Variants in ADGRL3 observed in about 807,000 individuals in gnomAD.
ADGRL3 encodes the protein adhesion G protein-coupled receptor L3, also known as calcium-independent alpha-latrotoxin receptor 3.
In ADGRL3, 62 loss-of-function variants were observed where a neutral mutation model predicts 153.5. That is an observed-to-expected ratio of 0.40 (90% CI 0.33 to 0.50). The LOEUF (loss-of-function observed/expected upper bound fraction) is 0.50. ADGRL3 is among the 20% of genes least tolerant of loss of function. The pLI, the probability that ADGRL3 is intolerant of heterozygous loss-of-function variation, is 0.47. For missense variants in ADGRL3, 1,641 were observed against 1,859.4 expected, an observed-to-expected ratio of 0.88 and a Z score of 2.16; for synonymous variants, 710 against 672.5, an observed-to-expected ratio of 1.06 and a Z score of -0.86.
At chr4:61,696,065 G>A (rs1466664541) in intron 6 of ADGRL3, among the ~76,000 whole-genome samples, 1 of 152,134 alleles carries the variant, frequency 6.6e-6, no homozygotes, top group African/African-American at 2.4e-5. Context: ...CCAAACTGCT[G>A]AAACTTTATT....
At chr4:61,822,380 CAATT>C (rs145770271) in intron 9 of ADGRL3, among the ~76,000 whole-genome samples, 14,398 of 152,112 alleles carry the variant, frequency 0.095, 745 homozygotes, top group Middle Eastern at 0.15. Context: ...CACATTGTCT[CAATT>C]AGTCTCACAA....
intron 1 of ADGRL3, among the ~76,000 whole-genome samples, chr4:61,318,113 G>T (rs572494795): frequency 5.5e-5 from 8 of 146,336 alleles, no homozygotes; most frequent in African/African-American, 1.7e-4. Flanking sequence ...GGGGGCGTAG[G>T]TTGCAGTGAG....
At chr4:61,330,899 C>A (rs756012429) in intron 1 of ADGRL3, among the ~76,000 whole-genome samples, 2 of 152,148 alleles carry the variant, frequency 1.3e-5, no homozygotes, top group Non-Finnish European at 2.9e-5. Context: ...AAAAGTTCTC[C>A]AAGCCCCTAC....
At chr4:61,595,046 GA>G (rs1391441713) in intron 5 of ADGRL3, among the ~76,000 whole-genome samples, 1 of 152,026 alleles carries the variant, frequency 6.6e-6, no homozygotes, top group East Asian at 1.9e-4. Context: ...GCCAGGCCTG[GA>G]ACTCACCCTT....
intron 15 of ADGRL3, among the ~76,000 whole-genome samples, chr4:61,937,125 C>T (rs183211880): frequency 1.6e-4 from 25 of 152,244 alleles, no homozygotes; most frequent in East Asian, 3.9e-4. Flanking sequence ...CTTCCTAAAT[C>T]GTTTCCCTGC....
intron 2 of ADGRL3, among the ~76,000 whole-genome samples, chr4:61,398,555 G>A (rs1364747974): frequency 6.6e-6 from 1 of 151,584 alleles, no homozygotes; most frequent in Non-Finnish European, 1.5e-5. Context: ...TTAACCTGAT[G>A]TATTACTTGG....
chr4:61,257,516 A>T (rs1323981694), intron 1 of ADGRL3, among the ~76,000 whole-genome samples: 3 of 152,152 alleles, frequency 2.0e-5, no homozygotes, highest in African/African-American at 7.2e-5. Flanking sequence ...CATAGACAAG[A>T]TGTGTATTTA....
intron 8 of ADGRL3, among the ~76,000 whole-genome samples, chr4:61,759,778 T>C (rs1210125370): frequency 1.3e-5 from 2 of 152,224 alleles, no homozygotes; most frequent in African/African-American, 4.8e-5. Context: ...TTTTCTACTC[T>C]GTTTTTTCCT....
intron 9 of ADGRL3, among the ~76,000 whole-genome samples, chr4:61,847,597 T>A (rs1318749387): frequency 1.3e-4 from 11 of 85,172 alleles, no homozygotes; most frequent in East Asian, 3.4e-4. Flanking sequence ...TATATATATA[T>A]AATATATAAT....
chr4:61,452,486 C>T (rs922244203), intron 2 of ADGRL3, among the ~76,000 whole-genome samples: 1 of 152,156 alleles, frequency 6.6e-6, no homozygotes, highest in Admixed American at 6.5e-5. Flanking sequence ...CAGATATTGT[C>T]TCAGTTTCTG....
intron 1 of ADGRL3, among the ~76,000 whole-genome samples, chr4:61,313,456 T>G (rs950007873): frequency 1.3e-5 from 2 of 152,132 alleles, no homozygotes; most frequent in African/African-American, 4.8e-5. Flanking sequence ...ATGAAAAATA[T>G]TAATAGAGGG....
At chr4:61,699,130 G>C (rs2095700247) in intron 6 of ADGRL3, among the ~76,000 whole-genome samples, 1 of 152,106 alleles carries the variant, frequency 6.6e-6, no homozygotes, top group Non-Finnish European at 1.5e-5. Flanking sequence ...GATGTAACCA[G>C]GCAGCCGAAA....
At chr4:61,605,089 C>CAAAA (rs71211396) in intron 5 of ADGRL3, among the ~76,000 whole-genome samples, 40 of 61,412 alleles carry the variant, frequency 6.5e-4, no homozygotes, top group African/African-American at 1.0e-3. Context: ...GACTCTGTCT[C>CAAAA]AAAAAAAAAA....
chr4:61,792,464 C>CTTTATTTA (rs1229605320), intron 8 of ADGRL3, among the ~76,000 whole-genome samples: 2 of 149,234 alleles, frequency 1.3e-5, no homozygotes, highest in Non-Finnish European at 3.0e-5. Context: ...CAAACTTTTC[C>CTTTATTTA]TTTATTTATT....
chr4:62,042,711 A>T (rs1729032109), intron 24 of ADGRL3, among the ~76,000 whole-genome samples: 1 of 152,104 alleles, frequency 6.6e-6, no homozygotes, highest in Non-Finnish European at 1.5e-5. Context: ...ACAAGGACAT[A>T]TCCCTTAATA....
intron 2 of ADGRL3, among the ~76,000 whole-genome samples, chr4:61,492,712 T>A (rs140106684): frequency 6.6e-6 from 1 of 152,252 alleles, no homozygotes; most frequent in South Asian, 2.1e-4. Flanking sequence ...TTTTAGAGTA[T>A]AATTGTGTTA....
At chr4:61,923,682 C>G (rs1028356093) in intron 13 of ADGRL3, among the ~76,000 whole-genome samples, 3 of 152,150 alleles carry the variant, frequency 2.0e-5, no homozygotes, top group Non-Finnish European at 4.4e-5. Context: ...ACACCCACTT[C>G]GTATGTCAAT....
At chr4:61,481,390 A>G (rs1401639591) in intron 2 of ADGRL3, among the ~76,000 whole-genome samples, 1 of 152,148 alleles carries the variant, frequency 6.6e-6, no homozygotes, top group Non-Finnish European at 1.5e-5. Flanking sequence ...ATGGACCTCA[A>G]AATTATTCGA....
intron 5 of ADGRL3, among the ~76,000 whole-genome samples, chr4:61,668,737 G>A (rs570097761): frequency 7.2e-4 from 109 of 152,220 alleles, no homozygotes; most frequent in African/African-American, 2.4e-3. Context: ...AAAAAATGGA[G>A]GCCTGGCACA....
Sources: gnomAD v4.1 joint callset for allele counts (sites outside exome capture counted in the v4.1 genomes callset) on GRCh38, gnomAD v4.1.1 for gene constraint, MANE v1.5 for transcripts, NCBI Gene and HGNC (gene_info 2026-07-23, HGNC 2026-07-21) for gene names.